Variants in RTL4 observed in about 807,000 individuals in gnomAD.
RTL4 encodes retrotransposon Gag like 4.
A neutral mutation model predicts 5.3 loss-of-function variants in RTL4; 4 were observed. The observed-to-expected ratio is 0.75, with a 90% CI of 0.37 to 1.72. RTL4 has a LOEUF of 1.72. Ranked by LOEUF, RTL4 falls within the 40% of genes most tolerant of loss-of-function variation. The pLI, the probability that RTL4 is intolerant of heterozygous loss-of-function variation, is 0.04. For synonymous variants in RTL4, 98 were observed against 87.3 expected, an observed-to-expected ratio of 1.12 and a Z score of -0.68; for missense variants, 260 against 227.1, an observed-to-expected ratio of 1.14 and a Z score of -0.93.
chrX:112,311,980 C>T, the RTL4 span, among the ~76,000 whole-genome samples: 24,222 of 110,772 alleles, frequency 0.22, 2,060 homozygotes, highest in Admixed American at 0.33. Context: ...TTATTCACAA[C>T]CAATGCTATC....
the RTL4 span, among the ~76,000 whole-genome samples, chrX:112,374,542 G>A: frequency 9.8e-5 from 11 of 111,909 alleles, no homozygotes; most frequent in African/African-American, 3.2e-4. Flanking sequence ...AGTACCTGCT[G>A]CAATTTTCAT....
chrX:112,144,621 G>C, the RTL4 span, among the ~76,000 whole-genome samples: 1 of 111,360 alleles, frequency 9.0e-6, no homozygotes, highest in African/African-American at 3.3e-5. Flanking sequence ...CAACATACTA[G>C]TGCCTGGGAC....
chrX:112,342,435 C>T, the RTL4 span, among the ~76,000 whole-genome samples: 2 of 111,270 alleles, frequency 1.8e-5, no homozygotes, highest in African/African-American at 6.6e-5. Context: ...GAACCAACCA[C>T]ATAATTCTAG....
At chrX:112,138,263 T>C in the RTL4 span, among the ~76,000 whole-genome samples, 1 of 112,077 alleles carries the variant, frequency 8.9e-6, no homozygotes, top group African/African-American at 3.2e-5. Context: ...AAACAGGGAG[T>C]TATTTATCCA....
the RTL4 span, among the ~76,000 whole-genome samples, chrX:112,272,675 T>C: frequency 8.9e-6 from 1 of 111,956 alleles, no homozygotes; most frequent in African/African-American, 3.3e-5. Context: ...TCACATACCA[T>C]GTAGTCTTTG....
At chrX:112,155,418 G>A in the RTL4 span, among the ~76,000 whole-genome samples, 2 of 111,395 alleles carry the variant, frequency 1.8e-5, no homozygotes, top group African/African-American at 6.5e-5. Flanking sequence ...TGCACTGAGC[G>A]AGGTCTGAGT....
At chrX:112,337,787 G>A in the RTL4 span, among the ~76,000 whole-genome samples, 1 of 110,960 alleles carries the variant, frequency 9.0e-6, no homozygotes, top group African/African-American at 3.3e-5. Context: ...AGCTCATTGG[G>A]ATTTCAGTAG....
the RTL4 span, among the ~76,000 whole-genome samples, chrX:112,176,641 T>C: frequency 8.9e-6 from 1 of 112,129 alleles, no homozygotes; most frequent in Non-Finnish European, 1.9e-5. Context: ...TCAGGGTAAT[T>C]GGGATATCCA....
chrX:112,096,694 T>G, the RTL4 span, among the ~76,000 whole-genome samples: 3 of 111,443 alleles, frequency 2.7e-5, no homozygotes, highest in Non-Finnish European at 3.8e-5. Flanking sequence ...ACAAACCAAC[T>G]AGCCATCCCC....
chrX:112,175,906 G>A, the RTL4 span, among the ~76,000 whole-genome samples: 3 of 110,824 alleles, frequency 2.7e-5, no homozygotes, highest in Non-Finnish European at 5.7e-5. Flanking sequence ...AGGAAATAAA[G>A]GGTATTCAAT....
At chrX:112,306,332 TTGAG>T in the RTL4 span, among the ~76,000 whole-genome samples, 3 of 111,743 alleles carry the variant, frequency 2.7e-5, no homozygotes, top group Non-Finnish European at 1.9e-5. Flanking sequence ...TGTGTGACAA[TTGAG>T]TAACTGGAAC....
the RTL4 span, among the ~76,000 whole-genome samples, chrX:112,341,221 G>T: frequency 1.7e-4 from 19 of 110,116 alleles, no homozygotes; most frequent in African/African-American, 3.6e-4. Context: ...CAAAGTTAGC[G>T]GTAGGAAGGA....
the RTL4 span, among the ~76,000 whole-genome samples, chrX:112,283,572 G>A: frequency 1.8e-5 from 2 of 111,310 alleles, no homozygotes; most frequent in Non-Finnish European, 1.9e-5. Context: ...ATAAGAATAC[G>A]GCTGCTGAGA....
chrX:112,128,659 C>CA, the RTL4 span, among the ~76,000 whole-genome samples: 2,705 of 41,071 alleles, frequency 0.066, 114 homozygotes, highest in Non-Finnish European at 0.13. Flanking sequence ...CTCTGTCTCA[C>CA]AAAAAAAAAA....
At chrX:112,168,253 G>A in the RTL4 span, among the ~76,000 whole-genome samples, 1 of 111,715 alleles carries the variant, frequency 9.0e-6, no homozygotes, top group Non-Finnish European at 1.9e-5. Flanking sequence ...AAGGCACCCT[G>A]AGCCTCTGAC....
rs148205998 is a variant in RTL4 at position 112,454,915 on chromosome X, C to T, written c.187C>T (p.Gln63Ter). 7.4e-6 allele frequency: 9 copies of T among 1,208,392 alleles called. No individual in the cohort carries two copies. The highest frequency in any genetic ancestry group is 4.6e-4 in the Middle Eastern group (2 of 4,344). Residue 63 changes from glutamine to a stop codon, truncating the protein, a stop_gained, in exon 1 of 1, where the codon CAG becomes TAG. Transcript: ENST00000340433. LOFTEE classifies it low-confidence loss of function (END_TRUNC). Reference sequence around the variant, plus strand: ...ACCATACTCACTTGAGCATCTCACCCAGTTTCATGGTGACCCTGCCAATTG... The same window carrying T: ...ACCATACTCACTTGAGCATCTCACCTAGTTTCATGGTGACCCTGCCAATTG...
chrX:112,113,019 C>A, the RTL4 span, among the ~76,000 whole-genome samples: 2 of 111,741 alleles, frequency 1.8e-5, no homozygotes, highest in East Asian at 2.8e-4. Context: ...TCTCCACTGA[C>A]CTTTCAGTTT....
the RTL4 span, among the ~76,000 whole-genome samples, chrX:112,301,030 C>T: frequency 1.1e-4 from 12 of 111,133 alleles, no homozygotes; most frequent in Non-Finnish European, 1.9e-4. Flanking sequence ...TTAGGGGTTG[C>T]GTCTCGGGAG....
the RTL4 span, among the ~76,000 whole-genome samples, chrX:112,290,835 G>A: frequency 1.8e-5 from 2 of 112,065 alleles, no homozygotes; most frequent in Non-Finnish European, 3.8e-5. Flanking sequence ...CATCTATGAA[G>A]TACATTGTGA....
Sources: allele counts gnomAD v4.1 joint callset (sites outside exome capture counted in the v4.1 genomes callset), GRCh38; gene constraint gnomAD v4.1.1; transcripts MANE v1.5; gene names NCBI Gene and HGNC (gene_info 2026-07-23, HGNC 2026-07-21).